HNRNPF: variants seen among roughly 807,000 people sequenced by gnomAD.
HNRNPF encodes the protein heterogeneous nuclear ribonucleoprotein F, also known as HnRNP F protein.
HNRNPF carries 2 observed loss-of-function variants against 26.0 expected under a neutral mutation model. The ratio of observed to expected loss-of-function variants is 0.08; its 90% CI spans 0.03 to 0.24. The LOEUF (loss-of-function observed/expected upper bound fraction) is 0.24. HNRNPF is among the 10% of genes least tolerant of loss of function. HNRNPF has a pLI of 1.00. For missense variants in HNRNPF, 299 were observed against 539.2 expected (o/e 0.55, Z 4.41); for synonymous variants, 234 against 211.5 (o/e 1.11, Z -0.92).
intron 3 of HNRNPF, among the ~76,000 whole-genome samples, chr10:43,392,129 C>T (rs370272008): frequency 2.0e-5 from 3 of 152,182 alleles, no homozygotes; most frequent in South Asian, 2.1e-4. Flanking sequence ...CTAGGTTGAG[C>T]GCAGTGGCTC....
Position 43,387,095 on chromosome 10 carries a change from G to A in HNRNPF, c.790C>T (p.Leu264Phe). 1.2e-6 allele frequency: 2 copies of A among 1,613,320 alleles called. No individual in the cohort carries two copies. The highest frequency in any genetic ancestry group is 1.7e-6 in the Non-Finnish European group (2 of 1,179,914). ...GFTTDLFGRD[L>F]SYCLSGMYDH... ...TACATTCCGGAGAGACAGTAGCTGA[G>A]GTCTCTCCCGAACAGGTCGGTGGTG... The change falls in exon 4 of 4, where the codon CTC becomes TTC. Residue 264 changes from leucine to phenylalanine, a missense_variant. Leu to Phe is a conservative substitution (Grantham distance 22). This residue lies in a region of HNRNPF where 74 missense variants were observed against 77.7 expected (regional missense o/e 0.95). Transcript: ENST00000682386. This position sits in a 1 kb window ranked among gnomAD's most constrained non-coding sequence, Gnocchi z 6.0.
intron 2 of HNRNPF, among the ~76,000 whole-genome samples, chr10:43,395,038 C>T (rs1734632460): frequency 6.6e-6 from 1 of 152,046 alleles, no homozygotes; most frequent in African/African-American, 2.4e-5. Flanking sequence ...CCAGGCTGGT[C>T]CCAAACTCCT....
chr10:43,396,915 G>A (rs1327032408), intron 1 of HNRNPF: 2 of 147,448 alleles, frequency 1.4e-5, no homozygotes, highest in Non-Finnish European at 1.5e-5. Flanking sequence ...GGAGGGGAGG[G>A]GAGGGGGCCC....
At chr10:43,407,525 GT>G (rs1246457630) in intron 1 of HNRNPF, among the ~76,000 whole-genome samples, 1 of 152,076 alleles carries the variant, frequency 6.6e-6, no homozygotes, top group African/African-American at 2.4e-5. Context: ...CAAAACCCTG[GT>G]CCACGACTCT....
chr10:43,393,208 ATT>A (rs1838323723), intron 3 of HNRNPF, among the ~76,000 whole-genome samples: 1 of 152,028 alleles, frequency 6.6e-6, no homozygotes, highest in Non-Finnish European at 1.5e-5. Flanking sequence ...TCAAATTGTC[ATT>A]TTCTTTCTGT....
intron 3 of HNRNPF, among the ~76,000 whole-genome samples, chr10:43,393,588 C>T (rs1192341497): frequency 1.4e-5 from 2 of 146,902 alleles, no homozygotes; most frequent in African/African-American, 5.3e-5. Flanking sequence ...AGGAGCAAAA[C>T]TCCATCTCAA....
rs1404818801 is a variant in HNRNPF at position 43,386,371 on chromosome 10, CTACT to C, written c.*262_*265del. 2 of 361,366 alleles carry C rather than the reference CTACT, an allele frequency of 5.5e-6. No individual in the cohort carries two copies. Among genetic ancestry groups the C allele is most frequent in the East Asian group, 4.7e-5 (1 of 21,104 alleles). The allele number at this position is 361,366 out of a possible 1,614,324, so 22.4% of individuals were successfully genotyped here. A position where few individuals can be genotyped will look rare whatever the true frequency, so the allele number is the denominator to read the frequency against. On this transcript the variant is annotated 3_prime_UTR_variant, in exon 4 of 4. Transcript: ENST00000682386. ...AAGATCCACATTTAACATACTTAAA[CTACT>C]TAAACTTAGATAACATCACTCTGAA...
At chr10:43,390,614 A>G (rs1838205430) in intron 3 of HNRNPF, among the ~76,000 whole-genome samples, 1 of 152,190 alleles carries the variant, frequency 6.6e-6, no homozygotes, top group Non-Finnish European at 1.5e-5. Context: ...AGCTTAGAGC[A>G]AGTATCATTT....
In HNRNPF at chr10:43,386,974, T is replaced by C; in HGVS notation, c.911A>G (p.Asp304Gly). 1 of 1,614,174 alleles carries C rather than the reference T, an allele frequency of 6.2e-7. No individual in the cohort carries two copies. Among genetic ancestry groups the C allele is most frequent in the South Asian group, 1.1e-5 (1 of 91,078 alleles). ...RGLPYKATEN[D>G]IYNFFSPLNP... ...GAGAGGAGAGAAGAAGTTGTAAATGTCGTTCTCGGTCGCTTTGTACGGCAG... is the reference window on the plus strand; with the variant it reads ...GAGAGGAGAGAAGAAGTTGTAAATGCCGTTCTCGGTCGCTTTGTACGGCAG... The change falls in exon 4 of 4, where the codon GAC becomes GGC. Residue 304 changes from aspartate (D) to glycine (G), a missense_variant. Asp to Gly is a moderately conservative substitution (Grantham distance 94, BLOSUM62 -1). Coordinates refer to ENST00000682386, the MANE Select transcript of HNRNPF (RefSeq NM_001098204.2).
Position 43,409,156 on chromosome 10 carries a change from G to C in HNRNPF, c.-272C>G, listed in dbSNP as rs902311085. On this transcript the variant is annotated 5_prime_UTR_variant, in exon 1 of 4. Transcript: ENST00000682386. ...CTTGAGGAAGACGCGGCGCAGTCCTGCTTCCACGACGGAGCCGGAAGGACG... is the reference window on the plus strand; with the variant it reads ...CTTGAGGAAGACGCGGCGCAGTCCTCCTTCCACGACGGAGCCGGAAGGACG... The C allele has an allele frequency of 6.6e-6, 1 of 152,550 alleles. No homozygotes were observed. Among genetic ancestry groups the C allele is most frequent in the African/African-American group, 2.4e-5 (1 of 41,476 alleles). The allele number at this position is 152,550 out of a possible 1,614,324, so 9.4% of individuals were successfully genotyped here.
At chr10:43,395,077 C>T (rs1838421977) in intron 2 of HNRNPF, among the ~76,000 whole-genome samples, 1 of 151,998 alleles carries the variant, frequency 6.6e-6, no homozygotes. Flanking sequence ...CGCCTCTGCC[C>T]AATTCTAAGT....
At chr10:43,394,930 T>C (rs984440442) in intron 2 of HNRNPF, among the ~76,000 whole-genome samples, 1 of 151,876 alleles carries the variant, frequency 6.6e-6, no homozygotes, top group African/African-American at 2.4e-5. Flanking sequence ...TTACTCTTGA[T>C]GAGATTCTCC....
rs748877312 is a variant in HNRNPF at position 43,403,260 on chromosome 10, C to T, written c.-247+5871G>A. Among the ~76,000 whole-genome samples, 21 of 152,280 alleles carry T rather than the reference C, an allele frequency of 1.4e-4. 1 individual carries two copies. The highest frequency in any genetic ancestry group is 1.2e-3 in the South Asian group (6 of 4,828). On this transcript the variant is annotated intron_variant, in intron 1 of 3. Transcript: ENST00000682386. ...CTTGGACTCCTGGCCTCAAGCAATC[C>T]GCCTGCCTTGGCCCTGCTGGGATTA...
intron 3 of HNRNPF, among the ~76,000 whole-genome samples, chr10:43,392,717 T>C (rs949254376): frequency 2.0e-5 from 3 of 152,222 alleles, no homozygotes; most frequent in Non-Finnish European, 4.4e-5. Context: ...CTCTGAGTCC[T>C]TCCTTAACCA....
intron 1 of HNRNPF, chr10:43,396,887 C>CGGGAGGGGGAGGGGAGGGGA: frequency 5.6e-5 from 2 of 36,010 alleles, no homozygotes; most frequent in African/African-American, 1.6e-4. Flanking sequence ...GGGCGCCTCG[C>CGGGAGGGGGAGGGGAGGGGA]GGGAGGGGGA....
chr10:43,390,650 A>G (rs1254078132), intron 3 of HNRNPF, among the ~76,000 whole-genome samples: 2 of 152,154 alleles, frequency 1.3e-5, no homozygotes, highest in Non-Finnish European at 2.9e-5. Flanking sequence ...CAATACATGG[A>G]ATTCATTCAA....
chr10:43,406,464 CG>C (rs1564400233), intron 1 of HNRNPF, among the ~76,000 whole-genome samples: 2 of 152,128 alleles, frequency 1.3e-5, no homozygotes, highest in East Asian at 3.9e-4. Context: ...GAGGCAGAGG[CG>C]TGAGAATCGC....
intron 3 of HNRNPF, among the ~76,000 whole-genome samples, chr10:43,390,093 T>C (rs994163187): frequency 6.6e-6 from 1 of 152,198 alleles, no homozygotes; most frequent in African/African-American, 2.4e-5. Flanking sequence ...CACTGCAACA[T>C]GCTGATCTGG....
At position 43,386,947 on chromosome 10, in the gene HNRNPF, T is replaced by C; in HGVS notation, c.938A>G (p.Asn313Ser). Reference protein sequence around the residue: ...NDIYNFFSPLNPVRVHIEIGP... With the variant: ...NDIYNFFSPLSPVRVHIEIGP... ...AATCTCAATATGGACTCTCACAGGGTTGAGAGGAGAGAAGAAGTTGTAAAT... is the reference window on the plus strand; with the variant it reads ...AATCTCAATATGGACTCTCACAGGGCTGAGAGGAGAGAAGAAGTTGTAAAT... Residue 313 changes from asparagine to serine, a missense_variant, in exon 4 of 4, where the codon AAC becomes AGC. Asn to Ser is a conservative substitution (Grantham distance 46, BLOSUM62 1). Coordinates refer to ENST00000682386, the MANE Select transcript of HNRNPF (RefSeq NM_001098204.2). 1.2e-6 allele frequency: 2 copies of C among 1,614,004 alleles called. No individual in the cohort carries two copies. Among genetic ancestry groups the C allele is most frequent in the Middle Eastern group, 1.6e-4 (1 of 6,062 alleles).
Sources: gnomAD v4.1 joint callset for allele counts (sites outside exome capture counted in the v4.1 genomes callset) on GRCh38, gnomAD v4.1.1 for gene constraint, gnomAD v4.1.1 regional missense constraint, Gnocchi (gnomAD v3.1) non-coding constraint, MANE v1.5 for transcripts, NCBI Gene and HGNC (gene_info 2026-07-23, HGNC 2026-07-21) for gene names.